RGS6: variants seen among roughly 807,000 people sequenced by gnomAD.
RGS6 encodes regulator of G-protein signaling 6.
A neutral mutation model predicts 78.5 loss-of-function variants in RGS6; 30 were observed. That is an observed-to-expected ratio of 0.38 (90% CI 0.29 to 0.52). RGS6 has a LOEUF of 0.52. Among genes scored for constraint, RGS6 ranks in the 20% least tolerant of loss-of-function variants. The pLI is 0.85. For synonymous variants in RGS6, 206 were observed against 206.0 expected (o/e 1.00, Z 0.00); for missense variants, 495 against 609.7 (o/e 0.81, Z 1.98).
chr14:71,888,418 CA>C, the RGS6 span, among the ~76,000 whole-genome samples: 4,233 of 143,466 alleles, frequency 0.03, 182 homozygotes, highest in African/African-American at 0.095. Flanking sequence ...AGCTCTGTCT[CA>C]AAAAAAAAAA....
rs1330382146 is a variant in RGS6 at position 72,005,592 on chromosome 14, T to G, written c.84+40717T>G. On this transcript the variant is annotated intron_variant, in intron 2 of 17. Transcript: ENST00000553525. ...CTTGTGCTTATTTATACTTTACAGA[T>G]TTTTATAATGAGATCATATCTCTCT... Among the ~76,000 whole-genome samples the G allele has an allele frequency of 5.3e-5, 8 of 152,214 alleles. No individual in the cohort carries two copies. The South Asian group carries it at 1.4e-3, about 28-fold the overall frequency.
chr14:72,629,397 T>A, the RGS6 span, among the ~76,000 whole-genome samples: 1 of 152,218 alleles, frequency 6.6e-6, no homozygotes, highest in Non-Finnish European at 1.5e-5. Flanking sequence ...CCAAATGAGA[T>A]CATATACTGT....
chr14:72,277,811 C>T (rs2060930553), intron 2 of RGS6, among the ~76,000 whole-genome samples: 1 of 151,892 alleles, frequency 6.6e-6, no homozygotes, highest in Non-Finnish European at 1.5e-5. Flanking sequence ...ACCTGTAGTC[C>T]CAGCTATTTG....
chr14:72,294,967 G>T (rs1190824149), intron 2 of RGS6, among the ~76,000 whole-genome samples: 1 of 152,166 alleles, frequency 6.6e-6, no homozygotes, highest in East Asian at 1.9e-4. Context: ...GAGGAAACTT[G>T]GTATGCTTTT....
At chr14:72,341,106 T>A (rs1365190436) in intron 2 of RGS6, among the ~76,000 whole-genome samples, 1 of 152,160 alleles carries the variant, frequency 6.6e-6, no homozygotes, top group East Asian at 1.9e-4. Context: ...TGGGAATGTG[T>A]TATTTATAAA....
At chr14:72,334,294 T>C (rs947171669) in intron 2 of RGS6, among the ~76,000 whole-genome samples, 2 of 152,244 alleles carry the variant, frequency 1.3e-5, no homozygotes, top group African/African-American at 4.8e-5. Context: ...CCCTGGGAGC[T>C]GGGCCAAGCA....
chr14:72,341,963 T>A (rs2077097799), intron 2 of RGS6, among the ~76,000 whole-genome samples: 1 of 152,184 alleles, frequency 6.6e-6, no homozygotes, highest in African/African-American at 2.4e-5. Flanking sequence ...GGACACTGGA[T>A]GGACTTGTTT....
intron 2 of RGS6, among the ~76,000 whole-genome samples, chr14:72,304,013 G>A (rs749175388): frequency 3.0e-4 from 46 of 152,184 alleles, no homozygotes; most frequent in Non-Finnish European, 2.8e-4. Context: ...CTGCTGGGCC[G>A]TACCCATTCC....
chr14:72,039,072 G>GTC (rs1447732568), intron 2 of RGS6, among the ~76,000 whole-genome samples: 1 of 152,142 alleles, frequency 6.6e-6, no homozygotes, highest in Non-Finnish European at 1.5e-5. Flanking sequence ...GTTGACAAAA[G>GTC]TCTCTTTTTG....
chr14:72,023,102 T>A (rs938760135), intron 2 of RGS6, among the ~76,000 whole-genome samples: 2 of 152,250 alleles, frequency 1.3e-5, no homozygotes, highest in Admixed American at 1.3e-4. Flanking sequence ...CTTAAAGATC[T>A]TATTACCAAC....
intron 2 of RGS6, among the ~76,000 whole-genome samples, chr14:72,174,852 A>G (rs2097084588): frequency 6.6e-6 from 1 of 152,186 alleles, no homozygotes; most frequent in South Asian, 2.1e-4. Context: ...GACAGCCCTC[A>G]CAGATGCCCT....
intron 2 of RGS6, among the ~76,000 whole-genome samples, chr14:72,209,948 A>G (rs999647903): frequency 2.0e-5 from 3 of 152,216 alleles, no homozygotes; most frequent in African/African-American, 4.8e-5. Context: ...TTATCTGCGT[A>G]ATGGTCTTAT....
In RGS6 at chr14:72,433,149, A is replaced by T. The variant is rs542459949; in HGVS notation, c.185-21379A>T. 2.0e-5 allele frequency among the ~76,000 whole-genome samples: 3 copies of T among 152,310 alleles called. No individual in the cohort carries two copies. The South Asian group carries it at 6.2e-4, about 32-fold the overall frequency. ...ATTGGTGGTTTCATGTGATGCAAAGAATTTCCCATACTCCGCCTGTTTTCT... is the reference window on the plus strand; with the variant it reads ...ATTGGTGGTTTCATGTGATGCAAAGTATTTCCCATACTCCGCCTGTTTTCT... On this transcript the variant is annotated intron_variant, in intron 3 of 17. Transcript: ENST00000553525.
At chr14:72,404,285 C>A (rs922399392) in intron 3 of RGS6, among the ~76,000 whole-genome samples, 8 of 152,156 alleles carry the variant, frequency 5.3e-5, no homozygotes, top group Non-Finnish European at 7.3e-5. Context: ...ATGCCTCAGG[C>A]TATGAAGCTG....
chr14:72,569,114 GT>G (rs201094827), downstream of RGS6, among the ~76,000 whole-genome samples: 7,322 of 88,498 alleles, frequency 0.083, 224 homozygotes, highest in Middle Eastern at 0.18. Context: ...TCTCTGGGGT[GT>G]GTGTGTGTGT....
chr14:72,394,394 C>A (rs770040765), intron 3 of RGS6, among the ~76,000 whole-genome samples: 1 of 151,960 alleles, frequency 6.6e-6, no homozygotes, highest in African/African-American at 2.4e-5. Context: ...GATCACAGGC[C>A]CGGGGCGAAA....
chr14:71,911,669 A>G, the RGS6 span, among the ~76,000 whole-genome samples: 4 of 152,232 alleles, frequency 2.6e-5, no homozygotes, highest in Admixed American at 1.3e-4. Context: ...ATTACCATCC[A>G]GACCAAAGAC....
At chr14:72,053,320 A>G (rs2093444327) in intron 2 of RGS6, among the ~76,000 whole-genome samples, 1 of 151,402 alleles carries the variant, frequency 6.6e-6, no homozygotes, top group Non-Finnish European at 1.5e-5. Flanking sequence ...GAGTTTCACC[A>G]TATTGGCCAG....
At chr14:72,374,661 A>G (rs2084258746) in intron 3 of RGS6, among the ~76,000 whole-genome samples, 1 of 152,252 alleles carries the variant, frequency 6.6e-6, no homozygotes, top group Non-Finnish European at 1.5e-5. Context: ...GAAACATAAG[A>G]AAACAAAACA....
Sources: gnomAD v4.1 joint callset for allele counts (sites outside exome capture counted in the v4.1 genomes callset) on GRCh38, gnomAD v4.1.1 for gene constraint, MANE v1.5 for transcripts, NCBI Gene and HGNC (gene_info 2026-07-23, HGNC 2026-07-21) for gene names.